The following TVP23C variants were observed in gnomAD, a reference collection of about 807,000 sequenced individuals.
TVP23C encodes the protein trans-golgi network vesicle protein 23 homolog C.
TVP23C carries 19 observed loss-of-function variants against 28.7 expected under a neutral mutation model. That is an observed-to-expected ratio of 0.66 (90% CI 0.46 to 0.97). The LOEUF is 0.97. Among genes scored for constraint, TVP23C ranks in the 50% least tolerant of loss-of-function variants. The probability of loss-of-function intolerance (pLI) is 0.00; values close to 1 mark genes in which losing one functional copy is unlikely to be tolerated. For missense variants in TVP23C, 186 were observed against 241.3 expected (o/e 0.77, Z 1.52); for synonymous variants, 68 against 81.7 (o/e 0.83, Z 0.90).
In TVP23C at chr17:15,546,014, T is replaced by C. The variant is rs541568781; in HGVS notation, c.331-98A>G. The C allele has an allele frequency of 1.1e-3, 1,701 of 1,497,516 alleles. 3 individuals are homozygous for C. Among genetic ancestry groups the C allele is most frequent in the Middle Eastern group, 7.0e-3 (38 of 5,466 alleles). The allele number at this position is 1,497,516 out of a possible 1,614,324, so 92.8% of individuals were successfully genotyped here. A position where few individuals can be genotyped will look rare whatever the true frequency, so the allele number is the denominator to read the frequency against. ...AACATATTACCCACAAGTTCAAATATTAATACACATAGCCCAACTCCTAAG... is the reference window on the plus strand; with the variant it reads ...AACATATTACCCACAAGTTCAAATACTAATACACATAGCCCAACTCCTAAG... On this transcript the variant is annotated intron_variant, in intron 4 of 5. Transcript: ENST00000518321.
intron 5 of TVP23C, among the ~76,000 whole-genome samples, chr17:15,542,696 C>G (rs180689942): frequency 2.0e-5 from 3 of 152,048 alleles, no homozygotes; most frequent in African/African-American, 4.8e-5. Flanking sequence ...AGGATGGTCT[C>G]GATCTCCTGA....
chr17:15,553,856 A>G, intron 2 of TVP23C, 27 bp from the exon 3 acceptor site: 1 of 1,613,042 alleles, frequency 6.2e-7, no homozygotes, highest in African/African-American at 1.3e-5. Flanking sequence ...AATGAAAGAA[A>G]TGCAATTACA....
chr17:15,551,668 AT>A (rs1395820741), intron 3 of TVP23C, among the ~76,000 whole-genome samples: 4 of 70,090 alleles, frequency 5.7e-5, no homozygotes, highest in Non-Finnish European at 9.2e-5. Context: ...ACATTATGAG[AT>A]TTTTTTGTGT....
intron 5 of TVP23C, among the ~76,000 whole-genome samples, chr17:15,529,736 G>C (rs1982875628): frequency 6.6e-6 from 1 of 152,066 alleles, no homozygotes; most frequent in Non-Finnish European, 1.5e-5. Flanking sequence ...CTGTGTCTTT[G>C]AATCTAAAGT....
At chr17:15,554,828 T>C (rs1381778713) in intron 2 of TVP23C, among the ~76,000 whole-genome samples, 1 of 152,222 alleles carries the variant, frequency 6.6e-6, no homozygotes, top group Non-Finnish European at 1.5e-5. Flanking sequence ...ATGTGGTCTT[T>C]TGTGACTGGC....
chr17:15,509,237 G>A (rs1336819803), intron 5 of TVP23C, among the ~76,000 whole-genome samples: 1 of 152,126 alleles, frequency 6.6e-6, no homozygotes, highest in Non-Finnish European at 1.5e-5. Context: ...CTAACAGAGG[G>A]AGGCGCCTGG....
chr17:15,506,478 G>A (rs1296111800), intron 5 of TVP23C, among the ~76,000 whole-genome samples: 1 of 152,196 alleles, frequency 6.6e-6, no homozygotes, highest in Admixed American at 6.5e-5. Context: ...AGGCCACTGG[G>A]CTCTACCAAT....
At position 15,539,172 on chromosome 17, in the gene TVP23C, T is replaced by G. The variant is rs1983292861; in HGVS notation, c.*1240A>C. 1.1e-6 allele frequency: 1 copy of G among 943,100 alleles called. No homozygotes were observed. Among genetic ancestry groups the G allele is most frequent in the South Asian group, 4.9e-5 (1 of 20,452 alleles). 58.4% of individuals were successfully genotyped at this position (943,100 alleles called of 1,614,324 possible). ...AGACTCCACCCCCAGATCTACTGAA[T>G]AAGGAGTCTGGAGGTGGAACCCAGC... is the stretch of plus-strand genomic sequence containing the variant. On this transcript the variant is annotated 3_prime_UTR_variant, in exon 6 of 6. Coordinates refer to ENST00000518321, the MANE Select transcript of TVP23C (RefSeq NM_001135036.2).
At chr17:15,551,244 G>A (rs2323739) in intron 3 of TVP23C, among the ~76,000 whole-genome samples, 64 of 150,066 alleles carry the variant, frequency 4.3e-4, no homozygotes, top group Admixed American at 2.2e-3. Context: ...GACTACAGGC[G>A]CCTGCCACCA....
chr17:15,522,752 A>G (rs1982531848), intron 5 of TVP23C, among the ~76,000 whole-genome samples: 2 of 152,128 alleles, frequency 1.3e-5, no homozygotes, highest in South Asian at 4.1e-4. Flanking sequence ...TATAAGTCAA[A>G]ACACTCCTGG....
chr17:15,535,984 G>A (rs1983137346), downstream of TVP23C, among the ~76,000 whole-genome samples: 1 of 152,132 alleles, frequency 6.6e-6, no homozygotes, highest in Non-Finnish European at 1.5e-5. Flanking sequence ...CTAAGGTCAG[G>A]AATTCGAGAC....
rs537390647 is a variant in TVP23C, at chr17:15,519,857, G to A, written c.463-16625C>T. Among the ~76,000 whole-genome samples, 36 of 152,246 alleles carry A rather than the reference G, an allele frequency of 2.4e-4. No homozygotes were observed. In the South Asian group the frequency reaches 3.5e-3, roughly 15 times the overall value. The stretch of plus-strand genomic sequence containing the variant: ...GCGGAGCTTGCAGTGAGCCGAGATC[G>A]CGCCACTGCACTCCAGCTGGGGCAA... On this transcript the variant is annotated intron_variant, in intron 5 of 5. Transcript: ENST00000225576.
intron 5 of TVP23C, among the ~76,000 whole-genome samples, chr17:15,540,830 G>A (rs1983380802): frequency 1.3e-5 from 2 of 152,274 alleles, no homozygotes; most frequent in South Asian, 4.1e-4. Flanking sequence ...AGCTGCTGGG[G>A]ATGCAGTGCA....
intron 5 of TVP23C, among the ~76,000 whole-genome samples, chr17:15,543,217 C>G (rs1461200641): frequency 6.9e-6 from 1 of 144,734 alleles, no homozygotes; most frequent in Non-Finnish European, 1.5e-5. Context: ...CCAAACCCAG[C>G]ACTGCAACTC....
intron 5 of TVP23C, among the ~76,000 whole-genome samples, chr17:15,529,321 G>A (rs1982856292): frequency 6.6e-6 from 1 of 152,108 alleles, no homozygotes; most frequent in East Asian, 1.9e-4. Flanking sequence ...GCATGGTGGT[G>A]CAGGCCTGTA....
At position 15,553,753 on chromosome 17, in the gene TVP23C, T is replaced by C. The variant is rs762498908; in HGVS notation, c.172A>G (p.Ser58Gly). ...ACCATACAGGTAATAAAGCTGCTGC[T>C]GAGCAACTCACAGAGAAGACAGACG... ...IIVCLLCELLSSSFITCMVTI... is the reference protein window; with the variant it reads ...IIVCLLCELLGSSFITCMVTI... Residue 58 changes from serine to glycine, a missense_variant, in exon 3 of 6, where the codon AGC becomes GGC. Ser to Gly is a moderately conservative substitution (Grantham distance 56). Coordinates refer to ENST00000518321, the MANE Select transcript of TVP23C (RefSeq NM_001135036.2). The C allele has an allele frequency of 2.5e-6, 4 of 1,613,854 alleles. No homozygotes were observed. The South Asian group carries it at 3.3e-5, about 13-fold the overall frequency.
downstream of TVP23C, among the ~76,000 whole-genome samples, chr17:15,532,806 C>T (rs1269504313): frequency 6.6e-6 from 1 of 152,080 alleles, no homozygotes; most frequent in African/African-American, 2.4e-5. Flanking sequence ...TAGGATTTCT[C>T]TTAAATTAAT....
intron 5 of TVP23C, among the ~76,000 whole-genome samples, chr17:15,518,472 AC>A (rs1230869083): frequency 8.5e-5 from 13 of 152,214 alleles, no homozygotes; most frequent in African/African-American, 3.1e-4. Context: ...TACCTATGTA[AC>A]TCCTACATCT....
At chr17:15,505,199 CA>C (rs544524194) in intron 5 of TVP23C, among the ~76,000 whole-genome samples, 49 of 151,908 alleles carry the variant, frequency 3.2e-4, no homozygotes, top group Middle Eastern at 3.4e-3. Context: ...ACAACAACAA[CA>C]AAAAAAACCC....
Sources: allele counts gnomAD v4.1 joint callset (sites outside exome capture counted in the v4.1 genomes callset), GRCh38; gene constraint gnomAD v4.1.1; transcripts MANE v1.5; gene names NCBI Gene and HGNC (gene_info 2026-07-23, HGNC 2026-07-21).